Variants in MARK3 observed in about 807,000 individuals in gnomAD.
MARK3 encodes microtubule affinity regulating kinase 3.
A neutral mutation model predicts 90.1 loss-of-function variants in MARK3; 46 were observed. The observed-to-expected ratio is 0.51, with a 90% CI of 0.40 to 0.65. MARK3 has a LOEUF of 0.65. Among genes scored for constraint, MARK3 ranks in the 30% least tolerant of loss-of-function variants. The pLI, the probability that MARK3 is intolerant of heterozygous loss-of-function variation, is 0.00. For synonymous variants in MARK3, 321 were observed against 332.6 expected, an observed-to-expected ratio of 0.97 and a Z score of 0.38; for missense variants, 818 against 947.2, an observed-to-expected ratio of 0.86 and a Z score of 1.79.
intron 1 of MARK3, among the ~76,000 whole-genome samples, chr14:103,387,630 T>A (rs1267372759): frequency 6.6e-6 from 1 of 151,884 alleles, no homozygotes; most frequent in East Asian, 1.9e-4. Context: ...GTAGCTGGGA[T>A]TACTGGCGTG....
chr14:103,463,596 A>G (rs778117913), intron 7 of MARK3, among the ~76,000 whole-genome samples: 3 of 152,096 alleles, frequency 2.0e-5, no homozygotes, highest in Admixed American at 1.3e-4. Flanking sequence ...CTGTGTTCCA[A>G]GTATCTCTTA....
intron 2 of MARK3, among the ~76,000 whole-genome samples, chr14:103,420,451 G>A (rs886124900): frequency 8.5e-5 from 13 of 152,076 alleles, no homozygotes; most frequent in Non-Finnish European, 1.6e-4. Context: ...GGCTGGTCTC[G>A]AACTCCTGGG....
chr14:103,467,126 CT>C lies in MARK3; in HGVS notation c.1047del (p.Ser350ValfsTer3). On this transcript the variant is annotated frameshift_variant, in exon 11 of 18. Coordinates refer to ENST00000429436, the MANE Select transcript of MARK3 (RefSeq NM_001128918.3). LOFTEE classifies it high-confidence loss of function. Reference sequence around the variant, plus strand: ...TTCACAAGAAGAAATTCAAGAATCTCTTAGTAAGATGAAATACGATGAAATC... The same window carrying C: ...TTCACAAGAAGAAATTCAAGAATCTCTAGTAAGATGAAATACGATGAAATC... ...GYSQEEIQES[L>X]SKMKYDEITA... 1 of 1,600,944 alleles carries C rather than the reference CT, an allele frequency of 6.2e-7. No individual in the cohort carries two copies. The highest frequency in any genetic ancestry group is 8.5e-7 in the Non-Finnish European group (1 of 1,170,412).
At chr14:103,420,491 A>G (rs555088419) in intron 2 of MARK3, among the ~76,000 whole-genome samples, 7 of 152,280 alleles carry the variant, frequency 4.6e-5, no homozygotes, top group South Asian at 2.1e-4. Flanking sequence ...TGGGCCTCCC[A>G]AAGTGCTGGG....
chr14:103,435,852 G>A (rs2092703174), intron 3 of MARK3, among the ~76,000 whole-genome samples: 1 of 152,050 alleles, frequency 6.6e-6, no homozygotes, highest in African/African-American at 2.4e-5. Context: ...TGAGGTAGCT[G>A]GGACTATAGG....
intron 3 of MARK3, among the ~76,000 whole-genome samples, chr14:103,443,364 A>T (rs1278914266): frequency 2.0e-5 from 3 of 152,252 alleles, no homozygotes; most frequent in Non-Finnish European, 4.4e-5. Context: ...AATGCTATTG[A>T]AATATATTGG....
intron 3 of MARK3, among the ~76,000 whole-genome samples, chr14:103,447,898 G>A (rs975957511): frequency 1.3e-5 from 2 of 151,914 alleles, no homozygotes; most frequent in Admixed American, 6.6e-5. Flanking sequence ...TCAGCCTCCC[G>A]AGTAGCTGGG....
chr14:103,470,453 C>CTTTTTTTTTTTTTTTTTTTTTTTTT (rs1555396272), intron 12 of MARK3, among the ~76,000 whole-genome samples: 2 of 24,182 alleles, frequency 8.3e-5, no homozygotes, highest in East Asian at 5.0e-3. Flanking sequence ...GGAACTAAAT[C>CTTTTTTTTTTTTTTTTTTTTTTTTT]TATTTTTTTT....
chr14:103,387,437 C>G (rs2089896868), intron 1 of MARK3, among the ~76,000 whole-genome samples: 1 of 152,052 alleles, frequency 6.6e-6, no homozygotes, highest in South Asian at 2.1e-4. Context: ...AGTCAGGGAA[C>G]TAATTTCCTT....
At chr14:103,404,069 C>T (rs914392718) in intron 1 of MARK3, among the ~76,000 whole-genome samples, 3 of 152,184 alleles carry the variant, frequency 2.0e-5, no homozygotes, top group African/African-American at 4.8e-5. Flanking sequence ...CTGAAAAGGA[C>T]ATCTTTTGAG....
chr14:103,406,824 GTTTTGTTTTTGT>G (rs1225720726), intron 2 of MARK3, among the ~76,000 whole-genome samples: 1 of 149,600 alleles, frequency 6.7e-6, no homozygotes, highest in African/African-American at 2.5e-5. Context: ...GGAGTTTTTT[GTTTTGTTTTTGT>G]TTTTGTTTTT....
At position 103,485,108 on chromosome 14, in the gene MARK3, T is replaced by TA. The variant is rs1336362054; in HGVS notation, c.1586+4620dup. On this transcript the variant is annotated intron_variant, in intron 14 of 17. Transcript: ENST00000429436. ...AGCCAGGCATGGTGGCGCATGCCTA[T>TA]AATCCCAGCTACTTGGGAGGCCGAG... is the stretch of plus-strand genomic sequence containing the variant. Among the ~76,000 whole-genome samples, 5 of 141,174 alleles carry TA rather than the reference T, an allele frequency of 3.5e-5. No homozygotes were observed. In the East Asian group the frequency reaches 1.0e-3, roughly 29 times the overall value. 92.6% of individuals were successfully genotyped at this position (141,174 alleles called of 152,430 possible).
chr14:103,459,190 T>C (rs2093344428), intron 6 of MARK3, among the ~76,000 whole-genome samples: 1 of 152,242 alleles, frequency 6.6e-6, no homozygotes, highest in Non-Finnish European at 1.5e-5. Context: ...TGTGTGAAGA[T>C]GGCTTATTGA....
chr14:103,411,070 C>T (rs974685144), intron 2 of MARK3, among the ~76,000 whole-genome samples: 9 of 152,142 alleles, frequency 5.9e-5, no homozygotes, highest in African/African-American at 1.9e-4. Context: ...GTCAGGAGAT[C>T]GAGACCATCC....
At chr14:103,399,525 G>A (rs547339482) in intron 1 of MARK3, among the ~76,000 whole-genome samples, 5 of 151,872 alleles carry the variant, frequency 3.3e-5, no homozygotes, top group East Asian at 1.9e-4. Context: ...GTGAAACCTC[G>A]TCTCTACTAA....
intron 7 of MARK3, 137 bp from the exon 8 acceptor site, chr14:103,465,420 C>T (rs1595808341): frequency 9.7e-6 from 6 of 621,360 alleles, no homozygotes; most frequent in Admixed American, 2.9e-5. Flanking sequence ...GTTTTTTTCT[C>T]TAGAAAGAAT....
chr14:103,418,985 A>G (rs2092084291), intron 2 of MARK3, among the ~76,000 whole-genome samples: 1 of 151,998 alleles, frequency 6.6e-6, no homozygotes, highest in South Asian at 2.1e-4. Context: ...CTGTCTCAGA[A>G]CTCCTTTAAA....
intron 1 of MARK3, among the ~76,000 whole-genome samples, chr14:103,389,528 C>CAAAAACAAAA (rs2090070145): frequency 2.0e-5 from 1 of 49,864 alleles, no homozygotes; most frequent in Non-Finnish European, 3.4e-5. Context: ...ACTCTGTCTC[C>CAAAAACAAAA]AAAAAAAAAA....
intron 2 of MARK3, among the ~76,000 whole-genome samples, chr14:103,421,285 G>C (rs1373554682): frequency 6.6e-6 from 1 of 152,152 alleles, no homozygotes; most frequent in Non-Finnish European, 1.5e-5. Context: ...GTGACCAGAG[G>C]CTTGCAGAAA....
Sources: gnomAD v4.1 joint callset for allele counts (sites outside exome capture counted in the v4.1 genomes callset) on GRCh38, gnomAD v4.1.1 for gene constraint, MANE v1.5 for transcripts, NCBI Gene and HGNC (gene_info 2026-07-23, HGNC 2026-07-21) for gene names.